Variants in NCKAP5 observed in about 807,000 individuals in gnomAD.
NCKAP5 encodes the protein nck-associated protein 5.
In NCKAP5, 92 loss-of-function variants were observed where a neutral mutation model predicts 167.0. The observed-to-expected ratio is 0.55, with a 90% CI of 0.47 to 0.66. The LOEUF is 0.66. NCKAP5 is among the 30% of genes least tolerant of loss of function. The pLI, the probability that NCKAP5 is intolerant of heterozygous loss-of-function variation, is 0.00. For synonymous variants in NCKAP5, 891 were observed against 877.4 expected (o/e 1.02, Z -0.27); for missense variants, 2,378 against 2,315.0 (o/e 1.03, Z -0.56).
intron 6 of NCKAP5, among the ~76,000 whole-genome samples, chr2:133,060,328 G>T (rs2079954404): frequency 6.6e-6 from 1 of 152,024 alleles, no homozygotes; most frequent in Non-Finnish European, 1.5e-5. Context: ...AGACCCTTTT[G>T]GGAAAAGTCC....
At chr2:133,584,988 A>AGGAAGGAG in the NCKAP5 span, among the ~76,000 whole-genome samples, 1 of 146,818 alleles carries the variant, frequency 6.8e-6, no homozygotes, top group Admixed American at 6.8e-5. Context: ...GAAGGAAGGA[A>AGGAAGGAG]GGAAGGAGGG....
chr2:133,287,738 G>T (rs1679255220), intron 4 of NCKAP5, among the ~76,000 whole-genome samples: 1 of 152,190 alleles, frequency 6.6e-6, no homozygotes. Context: ...CAGCAGGGAA[G>T]ACTGGGCCCA....
At chr2:133,272,072 T>A (rs770189812) in intron 4 of NCKAP5, among the ~76,000 whole-genome samples, 1 of 151,950 alleles carries the variant, frequency 6.6e-6, no homozygotes, top group Non-Finnish European at 1.5e-5. Flanking sequence ...CAAAAAGTAA[T>A]TATAGGAAAA....
chr2:133,211,527 A>G (rs1008114337), intron 5 of NCKAP5, among the ~76,000 whole-genome samples: 1 of 152,126 alleles, frequency 6.6e-6, no homozygotes, highest in African/African-American at 2.4e-5. Flanking sequence ...GTGAGCTCCT[A>G]TAACTACCAA....
intron 4 of NCKAP5, among the ~76,000 whole-genome samples, chr2:133,254,179 C>CTA (rs2088499848): frequency 6.6e-6 from 1 of 152,186 alleles, no homozygotes; most frequent in Non-Finnish European, 1.5e-5. Flanking sequence ...ATGCTGTGAT[C>CTA]TATAGAACAT....
chr2:133,196,124 TGG>T (rs1294364513), intron 5 of NCKAP5, among the ~76,000 whole-genome samples: 7 of 152,162 alleles, frequency 4.6e-5, no homozygotes, highest in Non-Finnish European at 8.8e-5. Flanking sequence ...GCTCGTGTGT[TGG>T]TTTAGAATCC....
the NCKAP5 span, among the ~76,000 whole-genome samples, chr2:133,618,732 TG>T: frequency 1.3e-5 from 2 of 151,046 alleles, no homozygotes; most frequent in African/African-American, 4.9e-5. Flanking sequence ...TCAACCATTG[TG>T]GAAGTCAGTG....
intron 3 of NCKAP5, among the ~76,000 whole-genome samples, chr2:133,474,159 C>CTATCTATCT (rs1559511855): frequency 4.0e-4 from 44 of 110,084 alleles, no homozygotes; most frequent in African/African-American, 1.4e-3. Flanking sequence ...TATCTATACA[C>CTATCTATCT]ACACACACAC....
intron 5 of NCKAP5, among the ~76,000 whole-genome samples, chr2:133,144,774 T>G (rs372625384): frequency 1.3e-5 from 2 of 152,152 alleles, no homozygotes; most frequent in Non-Finnish European, 2.9e-5. Flanking sequence ...GTTGAACCAT[T>G]AGCCAGTGTG....
At chr2:133,552,138 CTG>C (rs1288997597) in intron 2 of NCKAP5, among the ~76,000 whole-genome samples, 2 of 87,214 alleles carry the variant, frequency 2.3e-5, no homozygotes, top group African/African-American at 4.5e-5. Context: ...CACTTTTACA[CTG>C]TTGGTGGGAC....
chr2:133,462,129 A>T (rs1692236612), intron 3 of NCKAP5, among the ~76,000 whole-genome samples: 1 of 152,198 alleles, frequency 6.6e-6, no homozygotes, highest in African/African-American at 2.4e-5. Flanking sequence ...TTAAAAATGT[A>T]TTTGCTTAAG....
chr2:133,402,358 G>A (rs1898009), intron 3 of NCKAP5, among the ~76,000 whole-genome samples: 2,704 of 152,210 alleles, frequency 0.018, 81 homozygotes, highest in African/African-American at 0.062. Flanking sequence ...GACAGGATTT[G>A]GTAACTGATA....
chr2:133,421,122 G>T (rs548850806), intron 3 of NCKAP5, among the ~76,000 whole-genome samples: 1 of 151,986 alleles, frequency 6.6e-6, no homozygotes, highest in Admixed American at 6.6e-5. Flanking sequence ...AGCTAGACTC[G>T]CCTAAAACAA....
At chr2:132,975,668 C>T (rs903034555) in intron 7 of NCKAP5, among the ~76,000 whole-genome samples, 5 of 151,832 alleles carry the variant, frequency 3.3e-5, no homozygotes, top group South Asian at 2.1e-4. Flanking sequence ...TTGTAGCCCA[C>T]GGGTAGTTGT....
intron 8 of NCKAP5, among the ~76,000 whole-genome samples, chr2:132,895,346 CA>C (rs563409400): frequency 0.07 from 5,027 of 71,926 alleles, 111 homozygotes; most frequent in Admixed American, 0.16. Context: ...GACTCTGTCT[CA>C]AAAAAAAAAA....
chr2:133,083,270 A>G (rs2080873478), intron 6 of NCKAP5, among the ~76,000 whole-genome samples: 1 of 152,156 alleles, frequency 6.6e-6, no homozygotes, highest in Non-Finnish European at 1.5e-5. Context: ...GTATTCCCAG[A>G]GTCAAAGCAT....
intron 6 of NCKAP5, among the ~76,000 whole-genome samples, chr2:133,049,318 G>T (rs2079519202): frequency 6.6e-6 from 1 of 152,128 alleles, no homozygotes; most frequent in African/African-American, 2.4e-5. Flanking sequence ...AGCCTAGGCG[G>T]GTGGATCCCG....
chr2:133,142,451 G>T (rs569250428), intron 5 of NCKAP5, among the ~76,000 whole-genome samples: 1 of 152,116 alleles, frequency 6.6e-6, no homozygotes. Flanking sequence ...CAGGTCTTTT[G>T]CATGCACTTT....
chr2:133,164,240 T>C (rs1316580005), intron 5 of NCKAP5, among the ~76,000 whole-genome samples: 1 of 152,208 alleles, frequency 6.6e-6, no homozygotes, highest in Non-Finnish European at 1.5e-5. Flanking sequence ...AAACCAACTA[T>C]GGTGCCAAGT....
Sources: allele counts gnomAD v4.1 joint callset (sites outside exome capture counted in the v4.1 genomes callset), GRCh38; gene constraint gnomAD v4.1.1; transcripts MANE v1.5; gene names NCBI Gene and HGNC (gene_info 2026-07-23, HGNC 2026-07-21).